Variants in PCDHA13 observed in about 807,000 individuals in gnomAD.
The protein encoded by PCDHA13 is protocadherin alpha-13.
Under a neutral mutation model 64.8 loss-of-function variants are expected in PCDHA13, and 54 were observed. That is an observed-to-expected ratio of 0.83 (90% CI 0.67 to 1.04). PCDHA13 has a LOEUF of 1.04. Ranked by LOEUF, PCDHA13 falls within the 50% of genes least tolerant of loss-of-function variation. The probability of loss-of-function intolerance (pLI) is 0.00; values close to 1 mark genes in which losing one functional copy is unlikely to be tolerated. For synonymous variants in PCDHA13, 587 were observed against 564.4 expected (o/e 1.04, Z -0.57); for missense variants, 1,248 against 1,254.3 (o/e 0.99, Z 0.08).
At chr5:140,980,189 A>T (rs2096879459) in intron 2 of PCDHA13, among the ~76,000 whole-genome samples, 1 of 152,226 alleles carries the variant, frequency 6.6e-6, no homozygotes, top group African/African-American at 2.4e-5. Context: ...CTTTATATTT[A>T]TTAGAGACCA....
At chr5:140,974,284 G>C (rs1409183152) in intron 1 of PCDHA13, among the ~76,000 whole-genome samples, 2 of 152,092 alleles carry the variant, frequency 1.3e-5, no homozygotes, top group Non-Finnish European at 2.9e-5. Flanking sequence ...CAGAACTCTG[G>C]GCTCCAAGGA....
rs1182808577 is a variant in PCDHA13, at chr5:140,883,643, G to A, written c.1375G>A (p.Glu459Lys). 1.2e-6 allele frequency: 2 copies of A among 1,613,822 alleles called. No individual in the cohort carries two copies. The highest frequency in any genetic ancestry group is 1.7e-6 in the Non-Finnish European group (2 of 1,179,904). Residue 459 changes from glutamate to lysine, a missense_variant, in exon 1 of 4, where the codon GAG becomes AAG. Physicochemically the swap from Glu to Lys is moderately conservative, Grantham distance 56. Coordinates refer to ENST00000289272, the MANE Select transcript of PCDHA13 (RefSeq NM_018904.3). ...NDNAPAFAQP[E>K]YTVFVKENNP... is the part of the protein sequence containing the mutation. Reference sequence around the variant, plus strand: ...CAACGCGCCGGCGTTCGCGCAGCCCGAGTACACGGTGTTCGTGAAGGAAAA... The same window carrying A: ...CAACGCGCCGGCGTTCGCGCAGCCCAAGTACACGGTGTTCGTGAAGGAAAA...
chr5:140,892,580 A>G (rs1462175198), intron 1 of PCDHA13, among the ~76,000 whole-genome samples: 1 of 152,198 alleles, frequency 6.6e-6, no homozygotes, highest in African/African-American at 2.4e-5. Context: ...AGTATATCTC[A>G]GTATTCATTC....
chr5:140,999,614 A>G (rs572897182), intron 3 of PCDHA13, among the ~76,000 whole-genome samples: 1 of 152,302 alleles, frequency 6.6e-6, no homozygotes, highest in African/African-American at 2.4e-5. Flanking sequence ...GGACCTTATC[A>G]ACCAGGAAAC....
intron 1 of PCDHA13, among the ~76,000 whole-genome samples, chr5:140,954,472 G>T (rs1031225118): frequency 8.5e-5 from 13 of 152,182 alleles, no homozygotes; most frequent in Admixed American, 6.5e-5. Context: ...TCTGACTGGT[G>T]TGAGAAGATA....
intron 1 of PCDHA13, among the ~76,000 whole-genome samples, chr5:140,953,493 A>G (rs959606912): frequency 8.5e-5 from 13 of 152,108 alleles, no homozygotes; most frequent in Non-Finnish European, 1.5e-5. Flanking sequence ...CACAACCTTG[A>G]TCAGCTATTA....
intron 1 of PCDHA13, among the ~76,000 whole-genome samples, chr5:140,911,178 G>A (rs1227283843): frequency 1.3e-5 from 2 of 152,196 alleles, no homozygotes; most frequent in Non-Finnish European, 2.9e-5. Flanking sequence ...TGATGGCAGT[G>A]TGGGTTGGGG....
chr5:140,976,798 A>G (rs571590033), intron 1 of PCDHA13, among the ~76,000 whole-genome samples: 169 of 152,368 alleles, frequency 1.1e-3, no homozygotes, highest in Admixed American at 1.8e-3. Context: ...GCTTTTATGA[A>G]TATCTGAAGA....
At chr5:140,903,487 A>G (rs2070330722) in intron 1 of PCDHA13, among the ~76,000 whole-genome samples, 1 of 152,242 alleles carries the variant, frequency 6.6e-6, no homozygotes, top group South Asian at 2.1e-4. Context: ...TATAGTTCTG[A>G]GCAGGTACCA....
chr5:140,952,176 C>G (rs1300041660), intron 1 of PCDHA13, among the ~76,000 whole-genome samples: 1 of 152,058 alleles, frequency 6.6e-6, no homozygotes, highest in African/African-American at 2.4e-5. Flanking sequence ...GTTCCTGCAG[C>G]TGCTCTCATG....
intron 3 of PCDHA13, among the ~76,000 whole-genome samples, chr5:140,998,912 C>T (rs1256504660): frequency 6.6e-6 from 1 of 152,182 alleles, no homozygotes; most frequent in Admixed American, 6.6e-5. Context: ...CGGGAGGTAG[C>T]TATTATATCC....
chr5:140,991,924 A>T (rs1028386420), intron 3 of PCDHA13, among the ~76,000 whole-genome samples: 1 of 152,140 alleles, frequency 6.6e-6, no homozygotes, highest in Non-Finnish European at 1.5e-5. Context: ...GTAACATAAC[A>T]TATTCACAAG....
chr5:141,000,361 G>C (rs1253295818), intron 3 of PCDHA13, among the ~76,000 whole-genome samples: 2 of 26,450 alleles, frequency 7.6e-5, no homozygotes, highest in Non-Finnish European at 1.2e-4. Context: ...GTCTCTCTCT[G>C]TCTCTCTCTC....
intron 1 of PCDHA13, among the ~76,000 whole-genome samples, chr5:140,909,403 G>A (rs533159317): frequency 2.0e-4 from 31 of 152,280 alleles, no homozygotes; most frequent in African/African-American, 7.2e-4. Flanking sequence ...AGCTGCAATT[G>A]CAGTTACCAT....
intron 1 of PCDHA13, among the ~76,000 whole-genome samples, chr5:140,899,881 C>G (rs1334700648): frequency 6.6e-6 from 1 of 152,146 alleles, no homozygotes; most frequent in Non-Finnish European, 1.5e-5. Context: ...TAACAGAACT[C>G]AGTGCAGCCT....
chr5:140,892,262 T>G (rs1554185143), intron 1 of PCDHA13, among the ~76,000 whole-genome samples: 1 of 152,188 alleles, frequency 6.6e-6, no homozygotes, highest in African/African-American at 2.4e-5. Flanking sequence ...TTTGATTTTG[T>G]GCTGAAAGTT....
At chr5:140,968,867 T>C (rs2153774451) in intron 1 of PCDHA13, 2 of 1,614,188 alleles carry the variant, frequency 1.2e-6, no homozygotes, top group Non-Finnish European at 1.7e-6. Flanking sequence ...CCCTCGGACA[T>C]ACTCTGAAAT....
At chr5:140,928,657 G>T in intron 1 of PCDHA13, 1 of 1,614,220 alleles carries the variant, frequency 6.2e-7, no homozygotes, top group Admixed American at 1.7e-5. Flanking sequence ...AGAGGATGCT[G>T]ACAGTGGTTC....
chr5:140,990,280 G>C (rs1224210562), intron 3 of PCDHA13, among the ~76,000 whole-genome samples: 1 of 152,264 alleles, frequency 6.6e-6, no homozygotes, highest in African/African-American at 2.4e-5. Context: ...CCCGGGTCTT[G>C]AGATTATCGA....
Sources: gnomAD v4.1 joint callset for allele counts (sites outside exome capture counted in the v4.1 genomes callset) on GRCh38, gnomAD v4.1.1 for gene constraint, MANE v1.5 for transcripts, NCBI Gene and HGNC (gene_info 2026-07-23, HGNC 2026-07-21) for gene names.